Variants in GRID1 observed in about 807,000 individuals in gnomAD.
GRID1 encodes the protein glutamate receptor ionotropic, delta-1.
In GRID1, 28 loss-of-function variants were observed where a neutral mutation model predicts 98.0. That is an observed-to-expected ratio of 0.29 (90% CI 0.21 to 0.39). GRID1 has a LOEUF of 0.39. Among genes scored for constraint, GRID1 ranks in the 10% least tolerant of loss-of-function variants. GRID1 has a pLI of 1.00. For missense variants in GRID1, 1,111 were observed against 1,340.5 expected, an observed-to-expected ratio of 0.83 and a Z score of 2.67; for synonymous variants, 553 against 538.5, an observed-to-expected ratio of 1.03 and a Z score of -0.37.
chr10:86,048,913 T>C (rs1367779337), intron 4 of GRID1, among the ~76,000 whole-genome samples: 1 of 152,204 alleles, frequency 6.6e-6, no homozygotes, highest in Non-Finnish European at 1.5e-5. Flanking sequence ...CTCTACAAAA[T>C]GGAAATGGTA....
chr10:86,125,726 C>T (rs762832238), intron 4 of GRID1, among the ~76,000 whole-genome samples: 6 of 152,118 alleles, frequency 3.9e-5, no homozygotes, highest in Non-Finnish European at 8.8e-5. Flanking sequence ...GACAGCAAGA[C>T]CAACCCTTCC....
intron 5 of GRID1, among the ~76,000 whole-genome samples, chr10:85,872,690 C>T (rs182276882): frequency 6.6e-6 from 1 of 152,344 alleles, no homozygotes; most frequent in East Asian, 1.9e-4. Context: ...TGCACTGTTT[C>T]TTTTCCATTC....
At chr10:86,161,418 CCCACCTGGTG>C (rs1381673924) in intron 3 of GRID1, among the ~76,000 whole-genome samples, 2 of 152,110 alleles carry the variant, frequency 1.3e-5, no homozygotes, top group Non-Finnish European at 2.9e-5. Context: ...TTACGAAGCT[CCCACCTGGTG>C]CCAGGCTCTG....
intron 3 of GRID1, among the ~76,000 whole-genome samples, chr10:86,202,810 A>G (rs1845972636): frequency 6.6e-6 from 1 of 152,214 alleles, no homozygotes; most frequent in Non-Finnish European, 1.5e-5. Context: ...CAAATGAGGA[A>G]GAATCAGGCC....
intron 8 of GRID1, among the ~76,000 whole-genome samples, chr10:85,776,151 C>A (rs548648210): frequency 2.0e-5 from 3 of 152,154 alleles, no homozygotes; most frequent in Non-Finnish European, 2.9e-5. Flanking sequence ...AACTACGATG[C>A]CCTTGCCTGC....
At chr10:85,995,655 C>T (rs1842731536) in intron 4 of GRID1, among the ~76,000 whole-genome samples, 1 of 152,208 alleles carries the variant, frequency 6.6e-6, no homozygotes, top group South Asian at 2.1e-4. Context: ...TCAAAGAATA[C>T]CAAACTGGCT....
chr10:85,775,089 A>T (rs968347087), intron 8 of GRID1, among the ~76,000 whole-genome samples: 2 of 152,202 alleles, frequency 1.3e-5, no homozygotes, highest in African/African-American at 4.8e-5. Context: ...ATGTCCATCA[A>T]TGATAGACTG....
At chr10:85,997,699 G>A (rs1353416831) in intron 4 of GRID1, among the ~76,000 whole-genome samples, 1 of 151,596 alleles carries the variant, frequency 6.6e-6, no homozygotes, top group African/African-American at 2.4e-5. Context: ...ACAAGAAAAG[G>A]GAAGACGTAA....
chr10:85,702,989 A>C (rs1304674460), intron 12 of GRID1, among the ~76,000 whole-genome samples: 6 of 151,850 alleles, frequency 4.0e-5, no homozygotes, highest in Non-Finnish European at 7.4e-5. Context: ...GGAGGAGGAA[A>C]TAAGGAGATG....
Position 86,139,602 on chromosome 10 carries a change from G to A in GRID1, c.521-578C>T, listed in dbSNP as rs146429633. On this transcript the variant is annotated intron_variant, in intron 3 of 15. Coordinates refer to ENST00000327946, the MANE Select transcript of GRID1 (RefSeq NM_017551.3). Reference sequence around the variant, plus strand: ...AGGCATGGGACCCTGTCTGGCTTTAGGGACCTGATTTTCCTTGATAAAACA... The same window carrying A: ...AGGCATGGGACCCTGTCTGGCTTTAAGGACCTGATTTTCCTTGATAAAACA... 1.5e-3 allele frequency among the ~76,000 whole-genome samples: 230 copies of A among 152,324 alleles called. 1 individual carries two copies. Among genetic ancestry groups the A allele is most frequent in the African/African-American group, 5.4e-3 (223 of 41,584 alleles).
chr10:86,214,156 G>C (rs1846143941), intron 2 of GRID1, among the ~76,000 whole-genome samples: 1 of 152,114 alleles, frequency 6.6e-6, no homozygotes, highest in African/African-American at 2.4e-5. Context: ...AAAATCACAT[G>C]AGCTTCCCAC....
chr10:85,908,653 C>A (rs988693596), intron 5 of GRID1, among the ~76,000 whole-genome samples: 1 of 152,178 alleles, frequency 6.6e-6, no homozygotes, highest in South Asian at 2.1e-4. Context: ...AATAAAATCC[C>A]AGTCAGCTTT....
intron 12 of GRID1, among the ~76,000 whole-genome samples, chr10:85,700,621 A>G (rs1841440260): frequency 2.0e-5 from 3 of 152,232 alleles, no homozygotes; most frequent in Admixed American, 6.5e-5. Flanking sequence ...TGTCATCATT[A>G]TAGCAGGTAA....
intron 8 of GRID1, among the ~76,000 whole-genome samples, chr10:85,753,465 G>T (rs1842067140): frequency 6.6e-6 from 1 of 152,104 alleles, no homozygotes; most frequent in Non-Finnish European, 1.5e-5. Context: ...ACAGAGAGAG[G>T]AAGAATAGCC....
intron 2 of GRID1, among the ~76,000 whole-genome samples, chr10:86,252,131 G>A (rs999832825): frequency 3.3e-5 from 5 of 152,172 alleles, no homozygotes; most frequent in African/African-American, 7.2e-5. Flanking sequence ...GCTGACCCAC[G>A]GCCCTAGGGT....
In GRID1 at chr10:85,854,591, C is replaced by T; in HGVS notation, c.1138G>A (p.Val380Met). 6.2e-7 allele frequency: 1 copy of T among 1,613,914 alleles called. No individual in the cohort carries two copies. Among genetic ancestry groups the T allele is most frequent in the Non-Finnish European group, 8.5e-7 (1 of 1,179,828 alleles). ...GAACTGTCCTCCCGAAACTCCATCA[C>T]CCCAGTGAGGCCAGTGATGTGGCCC... ...KKGHITGLTG[V>M]MEFREDSSNP... is the part of the protein sequence containing the mutation. Residue 380 changes from valine to methionine, a missense_variant, in exon 8 of 16, where the codon GTG becomes ATG. By Grantham distance (21) the Val-to-Met change is conservative. Around this residue, in one of 3 missense-constraint regions of GRID1, gnomAD observed 762 missense variants for 869.1 expected, o/e 0.88. Transcript: ENST00000327946.
chr10:85,687,745 C>G (rs1841286149), intron 12 of GRID1, among the ~76,000 whole-genome samples: 2 of 152,096 alleles, frequency 1.3e-5, no homozygotes, highest in Non-Finnish European at 2.9e-5. Context: ...AAAAAGAACA[C>G]AAACGAAGTG....
chr10:85,948,266 T>C (rs1842077606), intron 4 of GRID1, among the ~76,000 whole-genome samples: 1 of 152,176 alleles, frequency 6.6e-6, no homozygotes, highest in Non-Finnish European at 1.5e-5. Context: ...CTAAAATTAT[T>C]CCAAGTGAAA....
intron 4 of GRID1, among the ~76,000 whole-genome samples, chr10:86,030,812 A>G (rs530058451): frequency 3.0e-4 from 46 of 152,228 alleles, no homozygotes; most frequent in Non-Finnish European, 6.0e-4. Context: ...CAGCCTGTAA[A>G]GTCAGGCTGC....
Sources: gnomAD v4.1 joint callset for allele counts (sites outside exome capture counted in the v4.1 genomes callset) on GRCh38, gnomAD v4.1.1 for gene constraint, gnomAD v4.1.1 regional missense constraint, MANE v1.5 for transcripts, NCBI Gene and HGNC (gene_info 2026-07-23, HGNC 2026-07-21) for gene names.